ADAMTSL1: variants seen among roughly 807,000 people sequenced by gnomAD.
The protein encoded by ADAMTSL1 is ADAMTS like 1.
Under a neutral mutation model 201.8 loss-of-function variants are expected in ADAMTSL1, and 126 were observed. The ratio of observed to expected loss-of-function variants is 0.62; its 90% CI spans 0.54 to 0.72. The LOEUF is 0.72. ADAMTSL1 is among the 30% of genes least tolerant of loss of function. The pLI, the probability that ADAMTSL1 is intolerant of heterozygous loss-of-function variation, is 0.00. For missense variants in ADAMTSL1, 2,679 were observed against 2,277.8 expected (o/e 1.18, Z -3.59); for synonymous variants, 1,121 against 903.4 (o/e 1.24, Z -4.32).
intron 1 of ADAMTSL1, among the ~76,000 whole-genome samples, chr9:18,488,270 C>T (rs1364118397): frequency 6.6e-6 from 1 of 152,166 alleles, no homozygotes; most frequent in African/African-American, 2.4e-5. Flanking sequence ...AAACCCTCTG[C>T]CCAGGACCTC....
intron 1 of ADAMTSL1, among the ~76,000 whole-genome samples, chr9:17,947,898 G>C (rs1827574965): frequency 6.6e-6 from 1 of 152,146 alleles, no homozygotes; most frequent in Non-Finnish European, 1.5e-5. Flanking sequence ...ACCTTCTGCA[G>C]CTGCACATGA....
intron 1 of ADAMTSL1, among the ~76,000 whole-genome samples, chr9:18,084,531 A>AT (rs1208660163): frequency 2.0e-5 from 3 of 151,814 alleles, no homozygotes; most frequent in African/African-American, 7.3e-5. Context: ...CAAAAAAAAA[A>AT]GAAAAGAAAA....
At chr9:18,864,685 T>A (rs893476516) in intron 23 of ADAMTSL1, among the ~76,000 whole-genome samples, 1 of 152,192 alleles carries the variant, frequency 6.6e-6, no homozygotes, top group Non-Finnish European at 1.5e-5. Flanking sequence ...TCAGGCTGTT[T>A]CCCTGAGTCA....
At chr9:18,807,472 G>C (rs1285162450) in intron 20 of ADAMTSL1, among the ~76,000 whole-genome samples, 1 of 151,990 alleles carries the variant, frequency 6.6e-6, no homozygotes, top group Non-Finnish European at 1.5e-5. Context: ...GTGAAACCCC[G>C]TCTCTACTAA....
chr9:18,145,568 C>T (rs144205027), intron 1 of ADAMTSL1, among the ~76,000 whole-genome samples: 332 of 152,204 alleles, frequency 2.2e-3, no homozygotes, highest in Non-Finnish European at 3.3e-3. Context: ...ACAAAATGAA[C>T]CCAGACACAG....
intron 1 of ADAMTSL1, among the ~76,000 whole-genome samples, chr9:18,035,068 G>A (rs903194657): frequency 6.6e-6 from 1 of 152,068 alleles, no homozygotes; most frequent in African/African-American, 2.4e-5. Flanking sequence ...TTTTCTATAA[G>A]AAGTTACTCT....
chr9:18,543,263 A>G (rs1226450089), intron 3 of ADAMTSL1, among the ~76,000 whole-genome samples: 2 of 152,202 alleles, frequency 1.3e-5, no homozygotes, highest in Non-Finnish European at 2.9e-5. Context: ...GGAGTTGAGA[A>G]GAACTGCTGT....
intron 2 of ADAMTSL1, among the ~76,000 whole-genome samples, chr9:18,410,838 T>G (rs1818407362): frequency 8.6e-6 from 1 of 115,694 alleles, no homozygotes; most frequent in Non-Finnish European, 1.8e-5. Context: ...ATTTTCTGTC[T>G]TCTTCTTCTT....
At chr9:18,894,225 C>G (rs527630284) in intron 26 of ADAMTSL1, among the ~76,000 whole-genome samples, 40 of 152,254 alleles carry the variant, frequency 2.6e-4, no homozygotes, top group African/African-American at 9.6e-4. Context: ...CGGCTCATGC[C>G]GGTAATCTCA....
intron 2 of ADAMTSL1, among the ~76,000 whole-genome samples, chr9:18,370,768 C>G (rs1324427189): frequency 6.7e-6 from 1 of 150,368 alleles, no homozygotes; most frequent in Non-Finnish European, 1.5e-5. Context: ...GAGCCAGGCA[C>G]AACTTTCTAA....
intron 1 of ADAMTSL1, among the ~76,000 whole-genome samples, chr9:18,017,524 G>A (rs1459981330): frequency 6.6e-6 from 1 of 151,952 alleles, no homozygotes; most frequent in Admixed American, 6.6e-5. Context: ...TACTCATGGA[G>A]TCCTATCTGT....
At chr9:18,193,071 A>G (rs1021441464) in intron 2 of ADAMTSL1, among the ~76,000 whole-genome samples, 2 of 152,170 alleles carry the variant, frequency 1.3e-5, no homozygotes, top group South Asian at 4.1e-4. Context: ...TATTAGATCT[A>G]GATTTCCTTT....
intron 2 of ADAMTSL1, among the ~76,000 whole-genome samples, chr9:18,527,769 A>G (rs542491127): frequency 4.3e-4 from 66 of 152,312 alleles, no homozygotes; most frequent in African/African-American, 9.4e-4. Flanking sequence ...GATTATTTCT[A>G]TTTTTAAGAG....
chr9:18,788,869 CT>C lies in ADAMTSL1; in HGVS notation c.3678-6516del, dbSNP rs147575947. 2.0e-3 allele frequency among the ~76,000 whole-genome samples: 282 copies of C among 141,048 alleles called. 1 individual carries two copies. Among genetic ancestry groups the C allele is most frequent in the Middle Eastern group, 3.6e-3 (1 of 278 alleles). The allele number at this position is 141,048 out of a possible 152,430, so 92.5% of individuals were successfully genotyped here. ...CCTTTCTGAAATTGCAGAATTCTGG[CT>C]TTTTTTTTTTTAGTGTTCTAAAATT... On this transcript the variant is annotated intron_variant, in intron 19 of 28. Transcript: ENST00000380548.
intron 2 of ADAMTSL1, among the ~76,000 whole-genome samples, chr9:18,460,622 C>T (rs12002126): frequency 0.039 from 5,927 of 152,226 alleles, 359 homozygotes; most frequent in African/African-American, 0.13. Flanking sequence ...ACTAGGTGTA[C>T]ATGCAGGTTT....
At chr9:18,405,664 C>G (rs916221424) in intron 2 of ADAMTSL1, among the ~76,000 whole-genome samples, 2 of 150,586 alleles carry the variant, frequency 1.3e-5, no homozygotes, top group Non-Finnish European at 2.9e-5. Flanking sequence ...TTACCTTGGG[C>G]TCAAGTTAAT....
chr9:18,070,663 A>G (rs1309844960), intron 1 of ADAMTSL1, among the ~76,000 whole-genome samples: 2 of 152,200 alleles, frequency 1.3e-5, no homozygotes, highest in Non-Finnish European at 2.9e-5. Flanking sequence ...ATCTTGGGAA[A>G]TGATAAGAAA....
At chr9:18,313,429 TCTTAA>T (rs1192829659) in intron 2 of ADAMTSL1, among the ~76,000 whole-genome samples, 1 of 152,186 alleles carries the variant, frequency 6.6e-6, no homozygotes, top group African/African-American at 2.4e-5. Context: ...AAGAAGTGGT[TCTTAA>T]CTTTGGACAC....
At chr9:18,287,721 T>C (rs1833073448) in intron 2 of ADAMTSL1, among the ~76,000 whole-genome samples, 1 of 149,730 alleles carries the variant, frequency 6.7e-6, no homozygotes, top group Non-Finnish European at 1.5e-5. Flanking sequence ...TACATATATA[T>C]GTGAGTATCC....
Sources: gnomAD v4.1 joint callset for allele counts (sites outside exome capture counted in the v4.1 genomes callset) on GRCh38, gnomAD v4.1.1 for gene constraint, MANE v1.5 for transcripts, NCBI Gene and HGNC (gene_info 2026-07-23, HGNC 2026-07-21) for gene names.